STON2: variants seen among roughly 807,000 people sequenced by gnomAD.
The protein encoded by STON2 is stonin-2.
Under a neutral mutation model 65.7 loss-of-function variants are expected in STON2, and 29 were observed. The observed-to-expected ratio is 0.44, with a 90% CI of 0.33 to 0.60. The LOEUF (loss-of-function observed/expected upper bound fraction) is 0.60. Among genes scored for constraint, STON2 ranks in the 20% least tolerant of loss-of-function variants. STON2 has a pLI of 0.03. For synonymous variants in STON2, 404 were observed against 414.2 expected, an observed-to-expected ratio of 0.98 and a Z score of 0.30; for missense variants, 1,054 against 1,118.1, an observed-to-expected ratio of 0.94 and a Z score of 0.82.
chr14:81,366,663 C>A (rs1321522279), intron 4 of STON2, among the ~76,000 whole-genome samples: 1 of 152,068 alleles, frequency 6.6e-6, no homozygotes, highest in Non-Finnish European at 1.5e-5. Flanking sequence ...CTCCCCACTG[C>A]ATCTCTGTAT....
chr14:81,276,864 G>C (rs75051154), intron 6 of STON2, 37 bp downstream of exon 6: 2 of 1,580,450 alleles, frequency 1.3e-6, no homozygotes, highest in African/African-American at 1.4e-5. Context: ...TTTCACAACT[G>C]TATGTTTGTT....
intron 3 of STON2, among the ~76,000 whole-genome samples, chr14:81,387,952 T>TC (rs1555405484): frequency 2.2e-5 from 3 of 135,590 alleles, no homozygotes; most frequent in Non-Finnish European, 4.8e-5. Context: ...TTCTTTTCTT[T>TC]TTTTTTTTTT....
intron 5 of STON2, among the ~76,000 whole-genome samples, chr14:81,313,152 T>TACC (rs1404684600): frequency 6.6e-6 from 1 of 152,212 alleles, no homozygotes; most frequent in Non-Finnish European, 1.5e-5. Flanking sequence ...ACAAAAGACT[T>TACC]ACCAGTCCAG....
Position 81,263,859 on chromosome 14 carries a change from G to C in STON2, c.*4555C>G, listed in dbSNP as rs946009460. ...TTAAGAAAAAACTTCAGCTCATTCT[G>C]TTTTCCCACCACTAAACTTATGGTG... On this transcript the variant is annotated 3_prime_UTR_variant, in exon 8 of 8. Transcript: ENST00000614646. 1.0e-6 allele frequency: 1 copy of C among 985,256 alleles called. No individual in the cohort carries two copies. The highest frequency in any genetic ancestry group is 1.7e-5 in the African/African-American group (1 of 57,226). 61.0% of individuals were successfully genotyped at this position (985,256 alleles called of 1,614,324 possible).
intron 6 of STON2, among the ~76,000 whole-genome samples, chr14:81,276,209 A>G (rs931489464): frequency 2.6e-5 from 4 of 152,248 alleles, no homozygotes; most frequent in Non-Finnish European, 5.9e-5. Context: ...CTCAAGCACA[A>G]AAGCATCCCT....
intron 2 of STON2, among the ~76,000 whole-genome samples, chr14:81,413,444 T>C (rs1901267780): frequency 7.1e-6 from 1 of 140,562 alleles, no homozygotes. Context: ...TCTGTATTTA[T>C]TTTCTATTCC....
intron 4 of STON2, among the ~76,000 whole-genome samples, chr14:81,352,830 G>T (rs969963592): frequency 2.0e-5 from 3 of 152,102 alleles, no homozygotes; most frequent in African/African-American, 7.2e-5. Context: ...TTTATTAAGA[G>T]CTTCCAAAAT....
At chr14:81,407,694 T>C (rs1356845938) in intron 2 of STON2, among the ~76,000 whole-genome samples, 2 of 152,154 alleles carry the variant, frequency 1.3e-5, no homozygotes, top group Admixed American at 6.5e-5. Flanking sequence ...TTCTCTTGAA[T>C]AAGGACAAGC....
Position 81,264,172 on chromosome 14 carries a change from T to G in STON2, c.*4242A>C. On this transcript the variant is annotated 3_prime_UTR_variant, in exon 8 of 8. Coordinates refer to ENST00000614646, the MANE Select transcript of STON2 (RefSeq NM_001394390.1). ...TGGACAGCATCTATGCTACTATGCT[T>G]TGGGGCACAAAAATGTTTTTCAATG... 1 of 985,416 alleles carries G rather than the reference T, an allele frequency of 1.0e-6. No individual in the cohort carries two copies. Among genetic ancestry groups the G allele is most frequent in the Non-Finnish European group, 1.2e-6 (1 of 829,922 alleles). The allele number at this position is 985,416 out of a possible 1,614,324, so 61.0% of individuals were successfully genotyped here. A position where few individuals can be genotyped will look rare whatever the true frequency, so the allele number is the denominator to read the frequency against.
chr14:81,268,771 G>A, intron 7 of STON2: 3 of 424,476 alleles, frequency 7.1e-6, no homozygotes, highest in Non-Finnish European at 9.5e-6. Context: ...CACCCCTTCT[G>A]TGAAGCTATT....
At chr14:81,365,155 G>A (rs1190487744) in intron 4 of STON2, among the ~76,000 whole-genome samples, 2 of 152,110 alleles carry the variant, frequency 1.3e-5, no homozygotes, top group African/African-American at 4.8e-5. Flanking sequence ...TTTTGCAAGT[G>A]GTTGCTGTTG....
At chr14:81,433,074 C>T (rs1902280910) in intron 1 of STON2, among the ~76,000 whole-genome samples, 1 of 152,234 alleles carries the variant, frequency 6.6e-6, no homozygotes, top group African/African-American at 2.4e-5. Context: ...TGCATTTTCT[C>T]AATCCCTCCA....
At chr14:81,349,852 T>A (rs972842935) in intron 4 of STON2, among the ~76,000 whole-genome samples, 3 of 152,114 alleles carry the variant, frequency 2.0e-5, no homozygotes, top group Non-Finnish European at 4.4e-5. Context: ...GATGAACAGA[T>A]AAAGGAAATG....
At chr14:81,419,858 A>T (rs1901617561) in intron 2 of STON2, among the ~76,000 whole-genome samples, 3 of 151,922 alleles carry the variant, frequency 2.0e-5, no homozygotes, top group Admixed American at 2.0e-4. Context: ...GGGAAAGCAA[A>T]CATAAGACGG....
chr14:81,382,954 G>C (rs77367614), intron 3 of STON2, among the ~76,000 whole-genome samples: 4,016 of 152,248 alleles, frequency 0.026, 189 homozygotes, highest in African/African-American at 0.091. Context: ...TCTCCGATAA[G>C]TTATTTTATT....
At chr14:81,280,792 C>T (rs536381619) in intron 5 of STON2, among the ~76,000 whole-genome samples, 3 of 152,252 alleles carry the variant, frequency 2.0e-5, no homozygotes, top group African/African-American at 7.2e-5. Context: ...GGGCAGATCA[C>T]TTGAGGTCAG....
In STON2 at chr14:81,396,116, C is replaced by T. The variant is rs745574107; in HGVS notation, c.151G>A (p.Gly51Arg). The change falls in exon 3 of 8, where the codon GGG becomes AGG. Residue 51 changes from glycine to arginine, a missense_variant. Gly to Arg is a moderately radical substitution (Grantham distance 125). Transcript: ENST00000614646. ...CCTCCATCCACCACATGGTTCTCCC[C>T]GGAGGAGCTCTCGGACTGGTCTGGG... The part of the protein sequence containing the change: ...SSPDQSESSS[G>R]ENHVVDGGSQ... 9.3e-6 allele frequency: 15 copies of T among 1,613,972 alleles called. 1 individual carries two copies. Among genetic ancestry groups the T allele is most frequent in the East Asian group, 4.5e-5 (2 of 44,858 alleles).
Position 81,263,751 on chromosome 14 carries a change from T to C in STON2, c.*4663A>G, listed in dbSNP as rs564010637. On this transcript the variant is annotated 3_prime_UTR_variant, in exon 8 of 8. Transcript: ENST00000614646. ...TCCTCATTTTTAGAAGAGTTAAAGTTACCACTCGAACTGGGAGCATTTCTA... is the reference window on the plus strand; with the variant it reads ...TCCTCATTTTTAGAAGAGTTAAAGTCACCACTCGAACTGGGAGCATTTCTA... The C allele has an allele frequency of 9.1e-6, 9 of 985,310 alleles. No individual in the cohort carries two copies. The South Asian group carries it at 3.3e-4, about 36-fold the overall frequency. 61.0% of individuals were successfully genotyped at this position (985,310 alleles called of 1,614,324 possible).
At chr14:81,274,860 G>A (rs575129206) in intron 6 of STON2, among the ~76,000 whole-genome samples, 2 of 152,034 alleles carry the variant, frequency 1.3e-5, no homozygotes, top group Admixed American at 6.6e-5. Context: ...AGCCAAGATC[G>A]CACCACTGCA....
Sources: allele counts gnomAD v4.1 joint callset (sites outside exome capture counted in the v4.1 genomes callset), GRCh38; gene constraint gnomAD v4.1.1; transcripts MANE v1.5; gene names NCBI Gene and HGNC (gene_info 2026-07-23, HGNC 2026-07-21).